The following OTOG variants were observed in gnomAD, a reference collection of about 807,000 sequenced individuals.
The protein encoded by OTOG is otogelin.
Under a neutral mutation model 313.8 loss-of-function variants are expected in OTOG, and 296 were observed. That is an observed-to-expected ratio of 0.94 (90% CI 0.86 to 1.04). OTOG has a LOEUF of 1.04. Among genes scored for constraint, OTOG ranks in the 50% least tolerant of loss-of-function variants. The probability of loss-of-function intolerance (pLI) is 0.00; values close to 1 mark genes in which losing one functional copy is unlikely to be tolerated. For synonymous variants in OTOG, 1,533 were observed against 1,554.9 expected, an observed-to-expected ratio of 0.99 and a Z score of 0.33; for missense variants, 3,948 against 3,840.1, an observed-to-expected ratio of 1.03 and a Z score of -0.74.
rs765414572 is a variant in OTOG at position 17,597,021 on chromosome 11, A to G, written c.3682+14A>G. The G allele has an allele frequency of 5.2e-6, 8 of 1,549,254 alleles. No homozygotes were observed. In the South Asian group the frequency reaches 9.5e-5, roughly 18 times the overall value. On this transcript the variant is annotated intron_variant, in intron 30 of 55. Coordinates refer to ENST00000399397, the MANE Select transcript of OTOG (RefSeq NM_001292063.2). ...CCCGCCTCTGCCGTGAGTGTCCCAGACAATCACCTGAGGGGACAGAGTAGA... is the reference window on the plus strand; with the variant it reads ...CCCGCCTCTGCCGTGAGTGTCCCAGGCAATCACCTGAGGGGACAGAGTAGA...
intron 23 of OTOG, among the ~76,000 whole-genome samples, chr11:17,582,113 G>T (rs372103657): frequency 6.6e-6 from 1 of 152,090 alleles, no homozygotes; most frequent in East Asian, 1.9e-4. Flanking sequence ...ATGGTTTGAT[G>T]AATTTTGACA....
In OTOG at chr11:17,548,207, G is replaced by C; in HGVS notation, c.211G>C (p.Gly71Arg). ...GGGGGACAAGGCTACAGTCGTGGGA[G>C]GCCAGGTAAGGGAGGTCTTGGGAGG... Reference protein sequence around the residue: ...AMGDKATVVGGQQAEAPDSVA... With the variant: ...AMGDKATVVGRQQAEAPDSVA... Residue 71 changes from glycine (G) to arginine (R), a missense_variant, in exon 3 of 56, where the codon GGC becomes CGC. Gly to Arg is a moderately radical substitution (Grantham distance 125). Coordinates refer to ENST00000399397, the MANE Select transcript of OTOG (RefSeq NM_001292063.2). 1.3e-6 allele frequency: 2 copies of C among 1,546,576 alleles called. No homozygotes were observed. The highest frequency in any genetic ancestry group is 1.7e-6 in the Non-Finnish European group (2 of 1,144,674).
At chr11:17,557,386 G>T in intron 8 of OTOG, 63 bp downstream of exon 8, 2 of 1,458,196 alleles carry the variant, frequency 1.4e-6, no homozygotes, top group African/African-American at 1.4e-5. Flanking sequence ...GTCAGGCTGG[G>T]AGGGGTTGGA....
At chr11:17,571,164 GC>G (rs1439512321) in intron 17 of OTOG, among the ~76,000 whole-genome samples, 4 of 152,216 alleles carry the variant, frequency 2.6e-5, no homozygotes, top group Non-Finnish European at 5.9e-5. Context: ...AAAGCTCAGA[GC>G]TTTTCAATGC....
chr11:17,569,787 CAATAA>C (rs992053614), intron 16 of OTOG, among the ~76,000 whole-genome samples: 1 of 152,140 alleles, frequency 6.6e-6, no homozygotes, highest in Non-Finnish European at 1.5e-5. Flanking sequence ...AAATGTTCTA[CAATAA>C]AATCTAAAAT....
At position 17,638,646 on chromosome 11, in the gene OTOG, C is replaced by G. The variant is rs1847903705; in HGVS notation, c.7894+97C>G. The G allele has an allele frequency of 3.4e-6, 5 of 1,480,642 alleles. No homozygotes were observed. In the South Asian group the frequency reaches 3.6e-5, roughly 11 times the overall value. 91.7% of individuals were successfully genotyped at this position (1,480,642 alleles called of 1,614,324 possible). ...CCGGCCTACCACCGTCCACTCCTCT[C>G]AGATCTGTCCCCTGCAGGGTCTCTA... On this transcript the variant is annotated intron_variant, in intron 48 of 55. Coordinates refer to ENST00000399397, the MANE Select transcript of OTOG (RefSeq NM_001292063.2).
At chr11:17,634,347 C>A in intron 44 of OTOG, 66 bp downstream of exon 44, 1 of 1,471,114 alleles carries the variant, frequency 6.8e-7, no homozygotes, top group Non-Finnish European at 9.2e-7. Flanking sequence ...CAGCCCTGCA[C>A]ACCAACCCTG....
intron 33 of OTOG, among the ~76,000 whole-genome samples, chr11:17,607,029 C>T (rs1001864467): frequency 6.6e-6 from 1 of 152,234 alleles, no homozygotes; most frequent in African/African-American, 2.4e-5. Flanking sequence ...GCCTTGAGTT[C>T]AAATCCTGAC....
In OTOG at chr11:17,593,605, T is replaced by A; in HGVS notation, c.3142-5T>A. 1.3e-6 allele frequency: 2 copies of A among 1,548,744 alleles called. No homozygotes were observed. Among genetic ancestry groups the A allele is most frequent in the Non-Finnish European group, 1.7e-6 (2 of 1,146,934 alleles). ...GCTCAGGACTGACCATCTCTGTCCC[T>A]CTAGAGTCCAGAGAGCTTCCTGGAT... On this transcript the variant is annotated splice_polypyrimidine_tract_variant and splice_region_variant and intron_variant, in intron 26 of 55. Coordinates refer to ENST00000399397, the MANE Select transcript of OTOG (RefSeq NM_001292063.2).
chr11:17,588,877 T>TC (rs773514703), intron 24 of OTOG, among the ~76,000 whole-genome samples: 5 of 151,946 alleles, frequency 3.3e-5, no homozygotes, highest in African/African-American at 7.3e-5. Flanking sequence ...GTCTTTCTAC[T>TC]CCACTCCCTC....
chr11:17,573,649 G>T (rs1478918898), intron 19 of OTOG, among the ~76,000 whole-genome samples: 2 of 152,172 alleles, frequency 1.3e-5, no homozygotes, highest in Non-Finnish European at 2.9e-5. Flanking sequence ...CTGTTGCCCT[G>T]GGGTTTGAGT....
At position 17,560,742 on chromosome 11, in the gene OTOG, C is replaced by A; in HGVS notation, c.1376C>A (p.Pro459Gln). 6.4e-7 allele frequency: 1 copy of A among 1,550,654 alleles called. No homozygotes were observed. The highest frequency in any genetic ancestry group is 8.7e-7 in the Non-Finnish European group (1 of 1,146,990). Reference protein sequence around the residue: ...LIFEDGGCVAPAECPCEFHGT... With the variant: ...LIFEDGGCVAQAECPCEFHGT... ...TTCGAGGATGGGGGCTGCGTGGCAC[C>A]AGCTGAGTGTCCCTGTGAGTTTCAC... The change falls in exon 13 of 56, where the codon CCA becomes CAA. Residue 459 changes from proline (P) to glutamine (Q), a missense_variant. Pro to Gln is a moderately conservative substitution (Grantham distance 76, BLOSUM62 -1). Coordinates refer to ENST00000399397, the MANE Select transcript of OTOG (RefSeq NM_001292063.2).
Position 17,559,254 on chromosome 11 carries a change from C to A in OTOG, c.1213+93C>A, listed in dbSNP as rs1042885974. The A allele has an allele frequency of 3.7e-6, 4 of 1,068,186 alleles. No individual in the cohort carries two copies. The African/African-American group carries it at 6.4e-5, about 17-fold the overall frequency. The allele number at this position is 1,068,186 out of a possible 1,614,324, so 66.2% of individuals were successfully genotyped here. Reference sequence around the variant, plus strand: ...CAATGTCTTGTCCTGCTCAGAATCACAGTTATCAGAACTCTCAGCCCCGAG... The same window carrying A: ...CAATGTCTTGTCCTGCTCAGAATCAAAGTTATCAGAACTCTCAGCCCCGAG... On this transcript the variant is annotated intron_variant, in intron 11 of 55. Transcript: ENST00000399397.
At chr11:17,597,801 C>A (rs990842641) in intron 30 of OTOG, among the ~76,000 whole-genome samples, 10 of 152,214 alleles carry the variant, frequency 6.6e-5, no homozygotes, top group African/African-American at 1.9e-4. Flanking sequence ...ATGGCCATTA[C>A]ACAGCCTTGC....
intron 39 of OTOG, among the ~76,000 whole-genome samples, chr11:17,628,850 G>A (rs1854046227): frequency 6.6e-6 from 1 of 152,204 alleles, no homozygotes; most frequent in African/African-American, 2.4e-5. Flanking sequence ...CAGGATTTGT[G>A]TTTATTTGGG....
At chr11:17,642,480 G>A (rs998296753) in intron 53 of OTOG, among the ~76,000 whole-genome samples, 6 of 152,142 alleles carry the variant, frequency 3.9e-5, no homozygotes, top group African/African-American at 1.4e-4. Flanking sequence ...AACACACACT[G>A]TTACATGTTC....
Position 17,610,334 on chromosome 11 carries a change from G to C in OTOG, c.5034G>C (p.Arg1678Ser). 1 of 1,550,680 alleles carries C rather than the reference G, an allele frequency of 6.4e-7. No homozygotes were observed. The highest frequency in any genetic ancestry group is 8.7e-7 in the Non-Finnish European group (1 of 1,147,000). The stretch of plus-strand genomic sequence containing the variant: ...CTGCAGTAACTAAGGTCATAAGCAG[G>C]ACAGGGGTCCCCCAGCCCACCCAGG... ...LTPAVTKVIS[R>S]TGVPQPTQAQ... Residue 1678 changes from arginine (R) to serine (S), a missense_variant, in exon 36 of 56, where the codon AGG becomes AGC. By Grantham distance (110) the Arg-to-Ser change is moderately radical. Transcript: ENST00000399397.
chr11:17,587,300 C>A (rs1485102141), intron 24 of OTOG, among the ~76,000 whole-genome samples: 1 of 152,132 alleles, frequency 6.6e-6, no homozygotes, highest in Admixed American at 6.5e-5. Flanking sequence ...CTGTTCTGGG[C>A]CACACAGAGG....
chr11:17,645,536 C>T (rs1848055768), intron 54 of OTOG, 28 bp from the exon 55 acceptor site: 1 of 1,547,798 alleles, frequency 6.5e-7, no homozygotes, highest in Non-Finnish European at 8.7e-7. Context: ...GTCTTGGCCA[C>T]AGCTGCCTCA....
Sources: allele counts gnomAD v4.1 joint callset (sites outside exome capture counted in the v4.1 genomes callset), GRCh38; gene constraint gnomAD v4.1.1; transcripts MANE v1.5; gene names NCBI Gene and HGNC (gene_info 2026-07-23, HGNC 2026-07-21).